Variants in ERGIC1 observed in about 807,000 individuals in gnomAD.
The protein encoded by ERGIC1 is endoplasmic reticulum-golgi intermediate compartment 1.
In ERGIC1, 19 loss-of-function variants were observed where a neutral mutation model predicts 38.3. The ratio of observed to expected loss-of-function variants is 0.50; its 90% CI spans 0.35 to 0.73. The LOEUF (loss-of-function observed/expected upper bound fraction) is 0.73. Among genes scored for constraint, ERGIC1 ranks in the 30% least tolerant of loss-of-function variants. The pLI, the probability that ERGIC1 is intolerant of heterozygous loss-of-function variation, is 0.01. For synonymous variants in ERGIC1, 124 were observed against 157.6 expected (o/e 0.79, Z 1.60); for missense variants, 294 against 389.2 (o/e 0.76, Z 2.06).
chr5:172,886,379 C>G (rs1052560463), intron 1 of ERGIC1, among the ~76,000 whole-genome samples: 1 of 152,118 alleles, frequency 6.6e-6, no homozygotes, highest in Non-Finnish European at 1.5e-5. Flanking sequence ...CACATCACCC[C>G]CTGTAGGAAG....
Position 172,950,925 on chromosome 5 carries a change from G to A in ERGIC1, c.*109G>A, listed in dbSNP as rs1369934172. On this transcript the variant is annotated 3_prime_UTR_variant, in exon 10 of 10. Transcript: ENST00000393784. ...GTCCCAAATCTGGCTGTGTCCCAAA[G>A]GGTGTGTGGGAAGTGGGGGGAAAGT... The A allele has an allele frequency of 2.2e-6, 2 of 904,282 alleles. No homozygotes were observed. The highest frequency in any genetic ancestry group is 3.2e-6 in the Non-Finnish European group (2 of 619,688). 56.0% of individuals were successfully genotyped at this position (904,282 alleles called of 1,614,324 possible).
At chr5:172,920,272 T>C (rs1763476993) in intron 5 of ERGIC1, 4 of 715,652 alleles carry the variant, frequency 5.6e-6, no homozygotes, top group Non-Finnish European at 1.0e-5. Flanking sequence ...AGGGTCCATG[T>C]GCTGTGATGG....
At chr5:172,907,697 C>G (rs1285998081) in intron 3 of ERGIC1, among the ~76,000 whole-genome samples, 2 of 152,140 alleles carry the variant, frequency 1.3e-5, no homozygotes, top group Admixed American at 6.5e-5. Context: ...CTACGCATCC[C>G]CCAGACCTCA....
At chr5:172,890,030 G>T (rs1373213577) in intron 2 of ERGIC1, among the ~76,000 whole-genome samples, 2 of 152,148 alleles carry the variant, frequency 1.3e-5, no homozygotes, top group African/African-American at 4.8e-5. Context: ...CTATTTCAAA[G>T]AATAGAGAAT....
chr5:172,880,510 A>G (rs937176605), intron 1 of ERGIC1, among the ~76,000 whole-genome samples: 4 of 151,978 alleles, frequency 2.6e-5, no homozygotes, highest in Admixed American at 6.6e-5. Flanking sequence ...ATTTTTTTGT[A>G]GAGACAGGGT....
intron 1 of ERGIC1, among the ~76,000 whole-genome samples, chr5:172,856,259 A>G (rs768591545): frequency 6.6e-6 from 1 of 152,220 alleles, no homozygotes; most frequent in Non-Finnish European, 1.5e-5. Context: ...CGCCAGGCCC[A>G]GGCAGGTGGA....
chr5:172,877,574 G>A (rs568347796), intron 1 of ERGIC1, among the ~76,000 whole-genome samples: 75 of 148,312 alleles, frequency 5.1e-4, no homozygotes, highest in South Asian at 1.5e-3. Context: ...CCACCCCCCT[G>A]ACACAGGGAC....
intron 1 of ERGIC1, among the ~76,000 whole-genome samples, chr5:172,861,212 A>G (rs573717227): frequency 6.4e-4 from 97 of 152,270 alleles, no homozygotes; most frequent in Middle Eastern, 3.4e-3. Flanking sequence ...TTGGCCAAGC[A>G]CTGGCCATTC....
intron 1 of ERGIC1, among the ~76,000 whole-genome samples, chr5:172,850,477 C>A (rs753006990): frequency 1.3e-5 from 2 of 152,140 alleles, no homozygotes; most frequent in Non-Finnish European, 1.5e-5. Context: ...GACAGCTGGG[C>A]TGAGGGCTCG....
intron 1 of ERGIC1, among the ~76,000 whole-genome samples, chr5:172,881,702 C>A (rs998028868): frequency 2.9e-4 from 44 of 152,340 alleles, no homozygotes; most frequent in African/African-American, 1.0e-3. Flanking sequence ...GGATTCAGAT[C>A]TCTGCCGTGG....
chr5:172,873,530 CGG>C (rs1373001766), intron 1 of ERGIC1, among the ~76,000 whole-genome samples: 1 of 152,230 alleles, frequency 6.6e-6, no homozygotes, highest in Non-Finnish European at 1.5e-5. Flanking sequence ...CCCAGTGCCA[CGG>C]CCTGCTGTCA....
intron 1 of ERGIC1, among the ~76,000 whole-genome samples, chr5:172,870,071 T>A (rs1289817263): frequency 2.0e-5 from 3 of 152,228 alleles, no homozygotes; most frequent in Non-Finnish European, 4.4e-5. Context: ...CTCTCTCTTC[T>A]TGCTGTATCT....
intron 1 of ERGIC1, among the ~76,000 whole-genome samples, chr5:172,859,135 C>G (rs994816081): frequency 1.3e-5 from 2 of 152,220 alleles, no homozygotes; most frequent in African/African-American, 4.8e-5. Flanking sequence ...CCTCCTGGTG[C>G]TTGGGTCATG....
At chr5:172,848,254 A>T (rs1761326504) in intron 1 of ERGIC1, among the ~76,000 whole-genome samples, 3 of 152,178 alleles carry the variant, frequency 2.0e-5, no homozygotes, top group Admixed American at 2.0e-4. Flanking sequence ...TTCCACCTTC[A>T]TGATGGTTCC....
intron 1 of ERGIC1, chr5:172,866,951 GAATGCATGAAAA>G (rs1287562204): frequency 5.9e-6 from 2 of 340,788 alleles, no homozygotes; most frequent in Non-Finnish European, 1.2e-5. Context: ...GGTGCTGAAT[GAATGCATGAAAA>G]AATGCATGAA....
chr5:172,848,782 C>T (rs919281215), intron 1 of ERGIC1, among the ~76,000 whole-genome samples: 4 of 152,186 alleles, frequency 2.6e-5, no homozygotes, highest in South Asian at 2.1e-4. Context: ...GGTTCACCTC[C>T]GCAAGAATGG....
intron 5 of ERGIC1, chr5:172,915,555 G>T (rs770943307): frequency 9.3e-5 from 44 of 470,830 alleles, no homozygotes; most frequent in Non-Finnish European, 1.5e-4. Flanking sequence ...GTGGGTGAAC[G>T]CAGTGCCCTT....
chr5:172,889,561 C>T (rs956582504), intron 2 of ERGIC1, among the ~76,000 whole-genome samples: 5 of 151,952 alleles, frequency 3.3e-5, no homozygotes, highest in African/African-American at 4.8e-5. Flanking sequence ...GACCTAGGAG[C>T]CAACTTGAAA....
chr5:172,933,258 A>G (rs1013598825), intron 8 of ERGIC1: 4 of 152,288 alleles, frequency 2.6e-5, no homozygotes, highest in Non-Finnish European at 4.4e-5. Flanking sequence ...AAGGCTGCCC[A>G]AACCCCTTAT....
Sources: allele counts gnomAD v4.1 joint callset (sites outside exome capture counted in the v4.1 genomes callset), GRCh38; gene constraint gnomAD v4.1.1; transcripts MANE v1.5; gene names NCBI Gene and HGNC (gene_info 2026-07-23, HGNC 2026-07-21).